RAB11FIP3: variants seen among roughly 807,000 people sequenced by gnomAD.
RAB11FIP3 encodes RAB11 family interacting protein 3.
In RAB11FIP3, 17 loss-of-function variants were observed where a neutral mutation model predicts 77.8. The observed-to-expected ratio is 0.22, with a 90% CI of 0.15 to 0.33. The LOEUF (loss-of-function observed/expected upper bound fraction) is 0.33. Among genes scored for constraint, RAB11FIP3 ranks in the 10% least tolerant of loss-of-function variants. The probability of loss-of-function intolerance (pLI) is 1.00; values close to 1 mark genes in which losing one functional copy is unlikely to be tolerated. For missense variants in RAB11FIP3, 1,005 were observed against 1,011.2 expected (o/e 0.99, Z 0.08); for synonymous variants, 437 against 448.2 (o/e 0.98, Z 0.31).
intron 1 of RAB11FIP3, among the ~76,000 whole-genome samples, chr16:435,169 C>T (rs766805561): frequency 6.7e-6 from 1 of 150,046 alleles, no homozygotes; most frequent in Non-Finnish European, 1.5e-5. Flanking sequence ...CTTGCCACTG[C>T]ACTCCAGCCT....
intron 1 of RAB11FIP3, among the ~76,000 whole-genome samples, chr16:457,186 G>A (rs1422095175): frequency 2.0e-5 from 3 of 152,158 alleles, no homozygotes; most frequent in Admixed American, 6.6e-5. Context: ...TGTGTTATTC[G>A]AGAATCCTGG....
At chr16:482,227 T>G in intron 3 of RAB11FIP3, 1 of 525,342 alleles carries the variant, frequency 1.9e-6, no homozygotes, top group Non-Finnish European at 3.6e-6. Context: ...TAGGTAAGTT[T>G]TGTATTTTTG....
At chr16:482,972 G>C (rs2056077563) in intron 4 of RAB11FIP3, among the ~76,000 whole-genome samples, 1 of 148,284 alleles carries the variant, frequency 6.7e-6, no homozygotes, top group Admixed American at 6.8e-5. Flanking sequence ...GGACGACTGT[G>C]GTTTCAAATG....
intron 4 of RAB11FIP3, among the ~76,000 whole-genome samples, chr16:485,982 G>A (rs1475917321): frequency 6.6e-6 from 1 of 152,140 alleles, no homozygotes; most frequent in Admixed American, 6.6e-5. Flanking sequence ...GGTCACTGCA[G>A]TCTCTGCCTC....
chr16:513,787 C>A (rs1240818764), intron 9 of RAB11FIP3, among the ~76,000 whole-genome samples: 1 of 152,206 alleles, frequency 6.6e-6, no homozygotes, highest in Non-Finnish European at 1.5e-5. Flanking sequence ...GAGAGCTGTG[C>A]GGGACGCCCC....
chr16:440,835 A>G (rs7197114), intron 1 of RAB11FIP3, among the ~76,000 whole-genome samples: 88,871 of 152,128 alleles, frequency 0.58, 26,184 homozygotes, highest in Middle Eastern at 0.67. Flanking sequence ...GGAAGTGAAG[A>G]GGTGAGAACA....
chr16:503,109 A>C lies in RAB11FIP3; in HGVS notation c.1395+12A>C, dbSNP rs768906360. 1.4e-5 allele frequency: 22 copies of C among 1,592,394 alleles called. No homozygotes were observed. The highest frequency in any genetic ancestry group is 1.8e-5 in the Non-Finnish European group (21 of 1,163,626). On this transcript the variant is annotated intron_variant, in intron 7 of 13. Transcript: ENST00000262305. ...ACATTGCTGACAAGGTAGGCCCTGG[A>C]GGGCTGGGTAGGTGGCAAGTAGGGG...
intron 5 of RAB11FIP3, among the ~76,000 whole-genome samples, chr16:495,295 A>T (rs1180762092): frequency 6.6e-6 from 1 of 152,200 alleles, no homozygotes; most frequent in East Asian, 1.9e-4. Context: ...CCCCAGCTAC[A>T]GTCACTGCCA....
chr16:468,252 G>GGGA (rs2055748845), intron 2 of RAB11FIP3, among the ~76,000 whole-genome samples: 1 of 124,156 alleles, frequency 8.1e-6, no homozygotes, highest in Non-Finnish European at 1.7e-5. Flanking sequence ...TGGGGCGTCA[G>GGGA]GGAGGAGGTG....
chr16:456,365 G>C (rs1167260867), intron 1 of RAB11FIP3, among the ~76,000 whole-genome samples: 1 of 151,894 alleles, frequency 6.6e-6, no homozygotes, highest in Admixed American at 6.6e-5. Flanking sequence ...GCTTGAACCT[G>C]GGAGGCAGAG....
chr16:492,632 C>T (rs1278041959), intron 5 of RAB11FIP3, among the ~76,000 whole-genome samples: 5 of 151,908 alleles, frequency 3.3e-5, no homozygotes, highest in East Asian at 1.9e-4. Flanking sequence ...CAAGGCCCGG[C>T]GACGATGGCT....
At chr16:496,408 C>G (rs2031132130) in intron 5 of RAB11FIP3, among the ~76,000 whole-genome samples, 2 of 152,222 alleles carry the variant, frequency 1.3e-5, no homozygotes, top group Admixed American at 1.3e-4. Flanking sequence ...GTGCCTGAGT[C>G]GAAGCCAGCG....
At position 432,409 on chromosome 16, in the gene RAB11FIP3, A is replaced by T. The variant is rs550352431; in HGVS notation, c.714+5689A>T. Reference sequence around the variant, plus strand: ...AAAAAGAAACTAAAACTAGTAGGTAAAATACTAGTAGATAAAATAAGAAAA... The same window carrying T: ...AAAAAGAAACTAAAACTAGTAGGTATAATACTAGTAGATAAAATAAGAAAA... On this transcript the variant is annotated intron_variant, in intron 1 of 13. Transcript: ENST00000262305. 7.9e-5 allele frequency among the ~76,000 whole-genome samples: 12 copies of T among 152,192 alleles called. No homozygotes were observed. The South Asian group carries it at 2.5e-3, about 32-fold the overall frequency.
intron 10 of RAB11FIP3, 41 bp downstream of exon 10, chr16:519,065 G>T: frequency 6.3e-7 from 1 of 1,592,100 alleles, no homozygotes; most frequent in Non-Finnish European, 8.6e-7. Flanking sequence ...AGTGGGGCCA[G>T]CCCATGCCCT....
At chr16:489,948 G>A (rs1234570643) in intron 5 of RAB11FIP3, among the ~76,000 whole-genome samples, 1 of 152,206 alleles carries the variant, frequency 6.6e-6, no homozygotes, top group African/African-American at 2.4e-5. Flanking sequence ...ATCACAGACG[G>A]TCCTCAGAGG....
At position 463,409 on chromosome 16, in the gene RAB11FIP3, C is replaced by A. The variant is rs115654689; in HGVS notation, c.808+1912C>A. Among the ~76,000 whole-genome samples, 771 of 146,888 alleles carry A rather than the reference C, an allele frequency of 5.2e-3. 5 individuals carry two copies. Among genetic ancestry groups the A allele is most frequent in the African/African-American group, 0.018 (716 of 39,782 alleles). On this transcript the variant is annotated intron_variant, in intron 2 of 13. Transcript: ENST00000262305. Reference sequence around the variant, plus strand: ...AAGTCTTTAGATGGCTCTGGGGAAACGTGCTGTGTGTTGTTCCCCGGTTTT... The same window carrying A: ...AAGTCTTTAGATGGCTCTGGGGAAAAGTGCTGTGTGTTGTTCCCCGGTTTT...
intron 8 of RAB11FIP3, among the ~76,000 whole-genome samples, chr16:509,290 C>T (rs544127116): frequency 6.6e-6 from 1 of 152,398 alleles, no homozygotes; most frequent in South Asian, 2.1e-4. Context: ...TGCCCTGACG[C>T]TGCAGCTTTG....
At chr16:501,844 G>T (rs117193912) in intron 6 of RAB11FIP3, among the ~76,000 whole-genome samples, 1 of 150,688 alleles carries the variant, frequency 6.6e-6, no homozygotes, top group African/African-American at 2.4e-5. Context: ...GTTCGGAGAG[G>T]ATCCCCCATT....
At chr16:468,572 T>G (rs2055758260) in intron 2 of RAB11FIP3, among the ~76,000 whole-genome samples, 1 of 152,100 alleles carries the variant, frequency 6.6e-6, no homozygotes, top group African/African-American at 2.4e-5. Flanking sequence ...GCAGCCTGTG[T>G]TGTCTGTCAG....
Sources: gnomAD v4.1 joint callset for allele counts (sites outside exome capture counted in the v4.1 genomes callset) on GRCh38, gnomAD v4.1.1 for gene constraint, MANE v1.5 for transcripts, NCBI Gene and HGNC (gene_info 2026-07-23, HGNC 2026-07-21) for gene names.